The following ENOX1 variants were observed in gnomAD, a reference collection of about 807,000 sequenced individuals.
The protein encoded by ENOX1 is candidate growth-related and time keeping constitutive hydroquinone (NADH) oxidase.
Under a neutral mutation model 82.5 loss-of-function variants are expected in ENOX1, and 42 were observed. That is an observed-to-expected ratio of 0.51 (90% confidence interval 0.40 to 0.66). The LOEUF (loss-of-function observed/expected upper bound fraction) is 0.66. Among genes scored for constraint, ENOX1 ranks in the 30% least tolerant of loss-of-function variants. The pLI is 0.00. For synonymous variants in ENOX1, 271 were observed against 282.2 expected, an observed-to-expected ratio of 0.96 and a Z score of 0.40; for missense variants, 608 against 811.6, an observed-to-expected ratio of 0.75 and a Z score of 3.05.
At chr13:43,338,675 GGTTTT>G (rs1218672498) in intron 9 of ENOX1, among the ~76,000 whole-genome samples, 78 of 133,404 alleles carry the variant, frequency 5.8e-4, no homozygotes, top group African/African-American at 2.1e-3. Context: ...ATTCAGGTTG[GGTTTT>G]TTTTTTTTTT....
chr13:43,264,200 G>A (rs185891816), intron 14 of ENOX1, among the ~76,000 whole-genome samples: 493 of 152,322 alleles, frequency 3.2e-3, no homozygotes, highest in Non-Finnish European at 5.6e-3. Flanking sequence ...TGAGAAAAAG[G>A]AAGCTCAGAG....
chr13:43,535,397 T>C (rs2078414639), intron 2 of ENOX1, among the ~76,000 whole-genome samples: 1 of 152,160 alleles, frequency 6.6e-6, no homozygotes, highest in African/African-American at 2.4e-5. Context: ...ATCTTTTCAT[T>C]TGCCTCTAGC....
chr13:43,396,656 C>CA (rs1443620962), intron 5 of ENOX1, among the ~76,000 whole-genome samples: 1 of 152,172 alleles, frequency 6.6e-6, no homozygotes, highest in Admixed American at 6.5e-5. Flanking sequence ...GCTGGGATTA[C>CA]AGGCATGAGC....
chr13:43,275,225 C>T lies in ENOX1; in HGVS notation c.1447-5648G>A, dbSNP rs115938040. Among the ~76,000 whole-genome samples, 961 of 152,288 alleles carry T rather than the reference C, an allele frequency of 6.3e-3. 10 individuals are homozygous for T. Among genetic ancestry groups the T allele is most frequent in the African/African-American group, 0.022 (897 of 41,570 alleles). The stretch of plus-strand genomic sequence containing the variant: ...GTGTATACTTCTGTGAGCGGTGTGT[C>T]AAATTTGACGTCCCTTTAAGAACAA... On this transcript the variant is annotated intron_variant, in intron 12 of 16. Coordinates refer to ENST00000690772, the MANE Select transcript of ENOX1 (RefSeq NM_001347969.2).
intron 2 of ENOX1, among the ~76,000 whole-genome samples, chr13:43,500,031 G>T (rs2076926985): frequency 6.6e-6 from 1 of 151,946 alleles, no homozygotes; most frequent in Non-Finnish European, 1.5e-5. Flanking sequence ...TATTAAAGAA[G>T]AAAGAAAAGT....
At chr13:43,259,493 CAG>C (rs1290653396) in intron 14 of ENOX1, among the ~76,000 whole-genome samples, 1 of 152,104 alleles carries the variant, frequency 6.6e-6, no homozygotes, top group Non-Finnish European at 1.5e-5. Context: ...TTCTTTGAGA[CAG>C]AGTCTTGCTG....
chr13:43,418,540 A>G (rs2054777395), intron 3 of ENOX1, among the ~76,000 whole-genome samples: 1 of 152,214 alleles, frequency 6.6e-6, no homozygotes, highest in Non-Finnish European at 1.5e-5. Flanking sequence ...AAATAAAAAT[A>G]AATAAAAATA....
chr13:43,651,884 A>C (rs2084196818), intron 2 of ENOX1, among the ~76,000 whole-genome samples: 1 of 148,018 alleles, frequency 6.8e-6, no homozygotes. Flanking sequence ...CTGAGGCAGG[A>C]GAATCACTTG....
chr13:43,467,570 A>G (rs1392686223), intron 3 of ENOX1, among the ~76,000 whole-genome samples: 1 of 151,978 alleles, frequency 6.6e-6, no homozygotes, highest in Non-Finnish European at 1.5e-5. Flanking sequence ...TCTTTATCAA[A>G]TATAAAATTT....
chr13:43,422,177 A>T (rs1251433673), intron 3 of ENOX1, among the ~76,000 whole-genome samples: 2 of 152,198 alleles, frequency 1.3e-5, no homozygotes, highest in African/African-American at 4.8e-5. Flanking sequence ...TGCACTTAAC[A>T]AGTCACCCTC....
chr13:43,238,395 A>G (rs1227971616), intron 14 of ENOX1, among the ~76,000 whole-genome samples: 4 of 152,248 alleles, frequency 2.6e-5, no homozygotes, highest in Non-Finnish European at 2.9e-5. Flanking sequence ...ATGATAAAAT[A>G]ACATTTGGTA....
At chr13:43,713,864 G>A (rs1358867840) in intron 1 of ENOX1, among the ~76,000 whole-genome samples, 1 of 151,490 alleles carries the variant, frequency 6.6e-6, no homozygotes, top group Non-Finnish European at 1.5e-5. Context: ...CAAAAAACCA[G>A]CTCCTGGATT....
chr13:43,661,465 A>G (rs1215656063), intron 2 of ENOX1, among the ~76,000 whole-genome samples: 2 of 152,220 alleles, frequency 1.3e-5, no homozygotes, highest in East Asian at 3.8e-4. Flanking sequence ...TGAACTCTAA[A>G]GTACAATGAG....
At chr13:43,255,167 CACATTA>C (rs1318021330) in intron 14 of ENOX1, among the ~76,000 whole-genome samples, 1 of 152,068 alleles carries the variant, frequency 6.6e-6, no homozygotes, top group Admixed American at 6.5e-5. Context: ...AGTGGTACAT[CACATTA>C]ACAGAACCAA....
chr13:43,529,009 A>G (rs1593649824), intron 2 of ENOX1, among the ~76,000 whole-genome samples: 1 of 151,976 alleles, frequency 6.6e-6, no homozygotes, highest in East Asian at 1.9e-4. Flanking sequence ...AACAGAAGCT[A>G]ATATACGTTA....
intron 2 of ENOX1, among the ~76,000 whole-genome samples, chr13:43,662,596 A>G (rs1027902195): frequency 6.6e-6 from 1 of 152,220 alleles, no homozygotes; most frequent in Non-Finnish European, 1.5e-5. Context: ...CTTCCCTCTA[A>G]GAGTTTCATC....
chr13:43,382,219 A>G (rs2052096400), intron 5 of ENOX1, among the ~76,000 whole-genome samples: 1 of 152,138 alleles, frequency 6.6e-6, no homozygotes, highest in Non-Finnish European at 1.5e-5. Flanking sequence ...TAATTCACGT[A>G]ATTTACCAAA....
chr13:43,248,742 T>C (rs968698410), intron 14 of ENOX1, among the ~76,000 whole-genome samples: 6 of 152,094 alleles, frequency 3.9e-5, no homozygotes, highest in Admixed American at 3.9e-4. Context: ...AAAGTAAAGA[T>C]TAAAAATTAA....
At chr13:43,269,661 G>T in intron 12 of ENOX1, 84 bp from the exon 13 acceptor site, 1 of 1,066,050 alleles carries the variant, frequency 9.4e-7, no homozygotes, top group Non-Finnish European at 1.4e-6. Context: ...TCAAAATTAT[G>T]AGTAGAAGAT....
Sources: allele counts gnomAD v4.1 joint callset (sites outside exome capture counted in the v4.1 genomes callset), GRCh38; gene constraint gnomAD v4.1.1; transcripts MANE v1.5; gene names NCBI Gene and HGNC (gene_info 2026-07-23, HGNC 2026-07-21).